The following MRPS9 variants were observed in gnomAD, a reference collection of about 807,000 sequenced individuals.
The protein encoded by MRPS9 is mitochondrial ribosomal protein S9.
In MRPS9, 45 loss-of-function variants were observed where a neutral mutation model predicts 59.9. That is an observed-to-expected ratio of 0.75 (90% CI 0.59 to 0.96). The LOEUF (loss-of-function observed/expected upper bound fraction) is 0.96, where lower values mean the gene tolerates loss of function less well. Ranked by LOEUF, MRPS9 falls within the 40% of genes least tolerant of loss-of-function variation. MRPS9 has a pLI of 0.00. For synonymous variants in MRPS9, 171 were observed against 166.8 expected (o/e 1.03, Z -0.19); for missense variants, 473 against 481.1 (o/e 0.98, Z 0.16).
chr2:105,048,409 G>C (rs1190856898), intron 1 of MRPS9, among the ~76,000 whole-genome samples: 1 of 151,720 alleles, frequency 6.6e-6, no homozygotes, highest in East Asian at 1.9e-4. Context: ...GCTAAATGAC[G>C]AGTTAATGGG....
chr2:105,045,341 C>A (rs1216159939), intron 1 of MRPS9, among the ~76,000 whole-genome samples: 2 of 141,264 alleles, frequency 1.4e-5, no homozygotes, highest in African/African-American at 5.2e-5. Context: ...AAACCCAATT[C>A]TTTTTTTTTT....
chr2:105,039,141 A>G (rs1277624269), intron 1 of MRPS9, among the ~76,000 whole-genome samples: 3 of 152,164 alleles, frequency 2.0e-5, no homozygotes, highest in African/African-American at 7.2e-5. Flanking sequence ...GGTGTCATGG[A>G]AAACAGGTGA....
chr2:105,039,662 T>C (rs1042638879), intron 1 of MRPS9, among the ~76,000 whole-genome samples: 1 of 152,226 alleles, frequency 6.6e-6, no homozygotes, highest in Admixed American at 6.5e-5. Context: ...GGGTCCCCTA[T>C]TATGTTTTTA....
At chr2:105,085,843 C>G (rs1680434641) in intron 5 of MRPS9, among the ~76,000 whole-genome samples, 1 of 151,938 alleles carries the variant, frequency 6.6e-6, no homozygotes, top group Non-Finnish European at 1.5e-5. Flanking sequence ...CTCTAGTGTC[C>G]CTTAAAAATT....
intron 2 of MRPS9, among the ~76,000 whole-genome samples, chr2:105,052,658 T>G (rs1402488072): frequency 3.3e-5 from 5 of 152,216 alleles, no homozygotes; most frequent in African/African-American, 1.2e-4. Flanking sequence ...TTCTCTCCTC[T>G]TCTGTTTTTG....
intron 5 of MRPS9, among the ~76,000 whole-genome samples, chr2:105,082,613 G>A (rs1236252009): frequency 6.6e-6 from 1 of 152,154 alleles, no homozygotes; most frequent in African/African-American, 2.4e-5. Context: ...ACTTTCTCTG[G>A]AGAAATGGGG....
intron 9 of MRPS9, among the ~76,000 whole-genome samples, chr2:105,096,494 C>T (rs1680662622): frequency 6.6e-6 from 1 of 152,006 alleles, no homozygotes; most frequent in African/African-American, 2.4e-5. Flanking sequence ...GGTGCCTGCC[C>T]CAGGATCTTG....
At chr2:105,038,481 CCTT>C (rs1679434867) in intron 1 of MRPS9, 15 of 485,364 alleles carry the variant, frequency 3.1e-5, no homozygotes, top group Non-Finnish European at 5.6e-5. Flanking sequence ...GCGACCTCCT[CCTT>C]CATTTGGCTG....
At chr2:105,093,442 T>G in intron 8 of MRPS9, 88 bp from the exon 9 acceptor site, 1 of 702,648 alleles carries the variant, frequency 1.4e-6, no homozygotes, top group Non-Finnish European at 2.4e-6. Context: ...GTGTATTATT[T>G]TGGGGAAACA....
At chr2:105,091,311 C>T (rs1205473379) in intron 7 of MRPS9, 1 of 471,038 alleles carries the variant, frequency 2.1e-6, no homozygotes, top group Non-Finnish European at 4.4e-6. Flanking sequence ...ACCCATAGTG[C>T]CCCTTTGTAG....
At chr2:105,043,429 G>A (rs1679536343) in intron 1 of MRPS9, among the ~76,000 whole-genome samples, 1 of 152,014 alleles carries the variant, frequency 6.6e-6, no homozygotes, top group Admixed American at 6.6e-5. Flanking sequence ...CGAATAATCT[G>A]GGGCACCTGA....
intron 2 of MRPS9, among the ~76,000 whole-genome samples, chr2:105,050,684 CA>C (rs573995097): frequency 1.3e-5 from 2 of 151,546 alleles, no homozygotes; most frequent in South Asian, 2.1e-4. Context: ...GGGCATTTAG[CA>C]AAAAAAATTA....
At chr2:105,057,223 A>G (rs17686139) in intron 2 of MRPS9, among the ~76,000 whole-genome samples, 33,563 of 152,104 alleles carry the variant, frequency 0.22, 3,771 homozygotes, top group Middle Eastern at 0.35. Context: ...ACAGGAGGAA[A>G]AACGGGTAGC....
At chr2:105,052,037 C>G (rs1361383863) in intron 2 of MRPS9, among the ~76,000 whole-genome samples, 2 of 152,112 alleles carry the variant, frequency 1.3e-5, no homozygotes, top group South Asian at 2.1e-4. Context: ...CCACTAAAAA[C>G]TACAAGAATT....
chr2:105,043,316 T>C (rs1198899184), intron 1 of MRPS9, among the ~76,000 whole-genome samples: 1 of 152,230 alleles, frequency 6.6e-6, no homozygotes, highest in Non-Finnish European at 1.5e-5. Context: ...TTCTTATTTG[T>C]TTAACATAGT....
intron 9 of MRPS9, among the ~76,000 whole-genome samples, chr2:105,095,119 A>G (rs1318487179): frequency 6.6e-6 from 1 of 152,184 alleles, no homozygotes; most frequent in Non-Finnish European, 1.5e-5. Flanking sequence ...GATTTAGGGC[A>G]GTCACTTCAG....
At chr2:105,085,276 A>G (rs1325311564) in intron 5 of MRPS9, among the ~76,000 whole-genome samples, 1 of 152,110 alleles carries the variant, frequency 6.6e-6, no homozygotes, top group East Asian at 1.9e-4. Context: ...GTTTGATTTG[A>G]TTTTGTATAT....
rs116552349 is a variant in MRPS9, at chr2:105,094,533, A to G, written c.929+895A>G. Among the ~76,000 whole-genome samples the G allele has an allele frequency of 2.7e-3, 418 of 152,294 alleles. 2 individuals carry two copies. Among genetic ancestry groups the G allele is most frequent in the African/African-American group, 9.5e-3 (393 of 41,532 alleles). On this transcript the variant is annotated intron_variant, in intron 9 of 10. Coordinates refer to ENST00000258455, the MANE Select transcript of MRPS9 (RefSeq NM_182640.3). Reference sequence around the variant, plus strand: ...TCAAAAGGGCTAAAACTCTTTTGATACCAATGCTGATATAGGCAAAAGAGG... The same window carrying G: ...TCAAAAGGGCTAAAACTCTTTTGATGCCAATGCTGATATAGGCAAAAGAGG...
chr2:105,044,115 T>C (rs181320166), intron 1 of MRPS9, among the ~76,000 whole-genome samples: 227 of 152,084 alleles, frequency 1.5e-3, no homozygotes, highest in African/African-American at 5.3e-3. Flanking sequence ...TTTGTATTTT[T>C]AGTAGAGATG....
Sources: allele counts gnomAD v4.1 joint callset (sites outside exome capture counted in the v4.1 genomes callset), GRCh38; gene constraint gnomAD v4.1.1; transcripts MANE v1.5; gene names NCBI Gene and HGNC (gene_info 2026-07-23, HGNC 2026-07-21).